The following CAMK2B variants were observed in gnomAD, a reference collection of about 807,000 sequenced individuals.
The protein encoded by CAMK2B is calcium/calmodulin dependent protein kinase II beta.
CAMK2B carries 27 observed loss-of-function variants against 93.7 expected under a neutral mutation model. The ratio of observed to expected loss-of-function variants is 0.29; its 90% CI spans 0.21 to 0.40. CAMK2B has a LOEUF of 0.40. CAMK2B is among the 10% of genes least tolerant of loss of function. CAMK2B has a pLI of 1.00. For missense variants in CAMK2B, 568 were observed against 895.8 expected, an observed-to-expected ratio of 0.63 and a Z score of 4.67; for synonymous variants, 374 against 358.8, an observed-to-expected ratio of 1.04 and a Z score of -0.48.
chr7:44,292,671 T>C (rs922098389), intron 1 of CAMK2B, among the ~76,000 whole-genome samples: 1 of 152,104 alleles, frequency 6.6e-6, no homozygotes, highest in African/African-American at 2.4e-5. Context: ...GAGTATGAGG[T>C]GCATCCTTTT....
intron 20 of CAMK2B, among the ~76,000 whole-genome samples, chr7:44,223,971 G>C (rs1006401135): frequency 5.3e-5 from 8 of 152,254 alleles, no homozygotes; most frequent in Admixed American, 1.3e-4. Context: ...TTGGTTTCCA[G>C]TCTGCTTTGG....
rs2096825099 is a variant in CAMK2B, at chr7:44,255,332, G to A, written c.276-725C>T. On this transcript the variant is annotated intron_variant, in intron 4 of 23. Coordinates refer to ENST00000395749, the MANE Select transcript of CAMK2B (RefSeq NM_001220.5). The stretch of plus-strand genomic sequence containing the variant: ...AAGCCACAATCTGAAGGGCCTCTGG[G>A]AGCCGGGTAATGTGGGCATGGAACA... 2.6e-5 allele frequency among the ~76,000 whole-genome samples: 4 copies of A among 152,316 alleles called. No homozygotes were observed. In the South Asian group the frequency reaches 8.3e-4, roughly 32 times the overall value.
At chr7:44,262,128 C>T (rs373960799) in intron 3 of CAMK2B, among the ~76,000 whole-genome samples, 21 of 152,352 alleles carry the variant, frequency 1.4e-4, no homozygotes, top group African/African-American at 4.8e-4. Flanking sequence ...GGTTCAGCGA[C>T]CTTCGGAGCC....
chr7:44,241,791 G>C lies in CAMK2B; in HGVS notation c.820-8C>G, dbSNP rs2096681147. ...TGCTACCGTGGAGCGTTGCTGTGGG[G>C]AAATGGGTGGTCATATGGCAGCCGA... On this transcript the variant is annotated splice_polypyrimidine_tract_variant and splice_region_variant and intron_variant, in intron 10 of 23. Coordinates refer to ENST00000395749, the MANE Select transcript of CAMK2B (RefSeq NM_001220.5). The C allele has an allele frequency of 3.7e-6, 6 of 1,610,376 alleles. No homozygotes were observed. Among genetic ancestry groups the C allele is most frequent in the Non-Finnish European group, 5.1e-6 (6 of 1,177,210 alleles).
intron 2 of CAMK2B, among the ~76,000 whole-genome samples, chr7:44,279,835 C>T (rs1168095786): frequency 6.6e-6 from 1 of 152,208 alleles, no homozygotes; most frequent in Non-Finnish European, 1.5e-5. Flanking sequence ...CAAAAACATA[C>T]TCGGGTAGTT....
At position 44,285,605 on chromosome 7, in the gene CAMK2B, G is replaced by GT. The variant is rs147541352; in HGVS notation, c.66-1381dup. Reference sequence around the variant, plus strand: ...CAGTCCTTTGTGGAGATAAATCTTTGTAAAAGAGTACTGTTCAATTCCTTG... The same window carrying GT: ...CAGTCCTTTGTGGAGATAAATCTTTGTTAAAAGAGTACTGTTCAATTCCTTG... On this transcript the variant is annotated intron_variant, in intron 1 of 23. Transcript: ENST00000395749. 5.3e-5 allele frequency among the ~76,000 whole-genome samples: 8 copies of GT among 152,168 alleles called. No homozygotes were observed. In the East Asian group the frequency reaches 1.6e-3, roughly 29 times the overall value.
intron 17 of CAMK2B, chr7:44,229,816 C>A: frequency 3.6e-6 from 1 of 278,442 alleles, no homozygotes; most frequent in Non-Finnish European, 6.7e-6. Context: ...GTGACCACCC[C>A]TGGCCAGAGC....
chr7:44,236,598 C>T (rs1239873956), intron 13 of CAMK2B, among the ~76,000 whole-genome samples: 2 of 152,220 alleles, frequency 1.3e-5, no homozygotes, highest in Non-Finnish European at 2.9e-5. Flanking sequence ...AAACCCTCCC[C>T]CTCGCTGCAG....
chr7:44,298,124 A>G (rs920518657), intron 1 of CAMK2B, among the ~76,000 whole-genome samples: 11 of 152,096 alleles, frequency 7.2e-5, no homozygotes, highest in African/African-American at 2.7e-4. Context: ...ACTCCATCTC[A>G]AAAACAAAAC....
At chr7:44,252,654 T>G (rs2096791214) in intron 5 of CAMK2B, among the ~76,000 whole-genome samples, 1 of 152,052 alleles carries the variant, frequency 6.6e-6, no homozygotes, top group African/African-American at 2.4e-5. Flanking sequence ...TTGCCCAGCA[T>G]CTGTCCACCC....
intron 1 of CAMK2B, chr7:44,324,971 A>G (rs2116739140): frequency 6.7e-6 from 1 of 150,094 alleles, no homozygotes; most frequent in East Asian, 2.0e-4. Context: ...GCCGCAGCCG[A>G]CCCCTCCCGG....
At chr7:44,262,619 G>T (rs1392708480) in intron 3 of CAMK2B, among the ~76,000 whole-genome samples, 1 of 152,194 alleles carries the variant, frequency 6.6e-6, no homozygotes, top group East Asian at 1.9e-4. Flanking sequence ...GAGTTATGGG[G>T]GTCACATGCT....
intron 1 of CAMK2B, among the ~76,000 whole-genome samples, chr7:44,306,230 A>T (rs1791468918): frequency 6.6e-6 from 1 of 151,870 alleles, no homozygotes; most frequent in African/African-American, 2.4e-5. Flanking sequence ...CTGGGCTGGG[A>T]TCCCCGTAAA....
chr7:44,228,737 G>T (rs772012531), intron 19 of CAMK2B, 59 bp downstream of exon 19: 1 of 1,404,550 alleles, frequency 7.1e-7, no homozygotes, highest in Non-Finnish European at 9.3e-7. Context: ...GCTGAGCGCC[G>T]GCCATTCGCA....
intron 15 of CAMK2B, among the ~76,000 whole-genome samples, 190 bp downstream of exon 15, chr7:44,234,200 C>T (rs1412985525): frequency 1.3e-5 from 2 of 152,214 alleles, no homozygotes; most frequent in Non-Finnish European, 2.9e-5. Flanking sequence ...GAATTGGAGC[C>T]CCCCACAACA....
At chr7:44,316,486 T>C (rs1281713739) in intron 1 of CAMK2B, among the ~76,000 whole-genome samples, 2 of 152,216 alleles carry the variant, frequency 1.3e-5, no homozygotes, top group African/African-American at 2.4e-5. Flanking sequence ...TCTGTAGTTT[T>C]GTGATATCTT....
At chr7:44,280,465 A>G (rs1456038675) in intron 2 of CAMK2B, among the ~76,000 whole-genome samples, 1 of 152,178 alleles carries the variant, frequency 6.6e-6, no homozygotes, top group Non-Finnish European at 1.5e-5. Flanking sequence ...GAGGCCCCTG[A>G]TAAGGAAGGG....
At chr7:44,303,913 C>G (rs1485202860) in intron 1 of CAMK2B, among the ~76,000 whole-genome samples, 1 of 152,052 alleles carries the variant, frequency 6.6e-6, no homozygotes, top group African/African-American at 2.4e-5. Flanking sequence ...ATAGAAACAA[C>G]CAGTTTAAAA....
chr7:44,324,519 C>T (rs1401545425), intron 1 of CAMK2B, among the ~76,000 whole-genome samples: 3 of 152,216 alleles, frequency 2.0e-5, no homozygotes, highest in Admixed American at 6.5e-5. Context: ...CCCTACACTG[C>T]TCATACTGCC....
Sources: allele counts gnomAD v4.1 joint callset (sites outside exome capture counted in the v4.1 genomes callset), GRCh38; gene constraint gnomAD v4.1.1; transcripts MANE v1.5; gene names NCBI Gene and HGNC (gene_info 2026-07-23, HGNC 2026-07-21).